The following ZNF274 variants were observed in gnomAD, a reference collection of about 807,000 sequenced individuals.
ZNF274 encodes the protein zinc finger protein 274.
ZNF274 carries 23 observed loss-of-function variants against 42.5 expected under a neutral mutation model. That is an observed-to-expected ratio of 0.54 (90% CI 0.39 to 0.77). The LOEUF (loss-of-function observed/expected upper bound fraction) is 0.77. Ranked by LOEUF, ZNF274 falls within the 30% of genes least tolerant of loss-of-function variation. The pLI, the probability that ZNF274 is intolerant of heterozygous loss-of-function variation, is 0.00. For synonymous variants in ZNF274, 292 were observed against 305.4 expected, an observed-to-expected ratio of 0.96 and a Z score of 0.46; for missense variants, 679 against 806.5, an observed-to-expected ratio of 0.84 and a Z score of 1.91.
Position 58,211,466 on chromosome 19 carries a change from G to A in ZNF274, c.853-94G>A. ...AGCAGGAGAGTCCCTAGCACCGTGA[G>A]CTCTGTCAGAACCTCCCAGCTGGCC... On this transcript the variant is annotated intron_variant, in intron 6 of 7. Coordinates refer to ENST00000617501, the MANE Select transcript of ZNF274 (RefSeq NM_133502.3). The surrounding 1 kb of genome is among the most constrained non-coding windows in gnomAD (Gnocchi z 4.8). The A allele has an allele frequency of 6.7e-7, 1 of 1,483,432 alleles. No individual in the cohort carries two copies. Among genetic ancestry groups the A allele is most frequent in the South Asian group, 1.3e-5 (1 of 74,860 alleles). 91.9% of individuals were successfully genotyped at this position (1,483,432 alleles called of 1,614,324 possible).
intron 4 of ZNF274, among the ~76,000 whole-genome samples, chr19:58,203,749 GC>G (rs1289298864): frequency 5.9e-5 from 9 of 152,176 alleles, no homozygotes; most frequent in Admixed American, 3.9e-4. Context: ...GAGAGGCCAA[GC>G]CCCCAAAATG....
intron 4 of ZNF274, among the ~76,000 whole-genome samples, chr19:58,201,521 T>C (rs970855256): frequency 1.3e-5 from 2 of 151,448 alleles, no homozygotes; most frequent in African/African-American, 2.4e-5. Flanking sequence ...TTTCTTTTTT[T>C]TTTTTTTCTT....
intron 4 of ZNF274, among the ~76,000 whole-genome samples, chr19:58,195,241 G>GTA (rs59678010): frequency 0.19 from 28,002 of 149,948 alleles, 2,755 homozygotes; most frequent in Non-Finnish European, 0.21. Flanking sequence ...ATATGTGTGT[G>GTA]TATATATATA....
Position 58,185,810 on chromosome 19 carries a change from G to T in ZNF274, c.132G>T (p.Leu44=). ...KQKSLYREVM[L]ENYRNLVSVE... is the part of the protein sequence containing the mutation. ...AGTCCCTGTACAGGGAAGTGATGCT[G>T]GAGAACTACAGGAACCTGGTCTCAG... is the stretch of plus-strand genomic sequence containing the variant. Residue 44 remains leucine, a synonymous_variant, in exon 3 of 8, where the codon CTG becomes CTT. Coordinates refer to ENST00000617501, the MANE Select transcript of ZNF274 (RefSeq NM_133502.3). The T allele has an allele frequency of 7.1e-7, 1 of 1,418,336 alleles. No individual in the cohort carries two copies. The highest frequency in any genetic ancestry group is 1.5e-5 in the African/African-American group (1 of 68,134). 87.9% of individuals were successfully genotyped at this position (1,418,336 alleles called of 1,614,324 possible).
In ZNF274 at chr19:58,212,672, T is replaced by G. The variant is rs2076057100; in HGVS notation, c.1491T>G (p.Phe497Leu). Residue 497 changes from phenylalanine (F) to leucine (L), a missense_variant, in exon 8 of 8, where the codon TTT becomes TTG. By Grantham distance (22) the Phe-to-Leu change is conservative. Around this residue, in one of 2 missense-constraint regions of ZNF274, gnomAD observed 456 missense variants for 590.1 expected, o/e 0.77. Coordinates refer to ENST00000617501, the MANE Select transcript of ZNF274 (RefSeq NM_133502.3). The surrounding 1 kb of genome is among the most constrained non-coding windows in gnomAD (Gnocchi z 4.6). ...TFSRSTKQIT[F>L]IRIHKGSQVC... ...GTCGGAGTACTAAACAGATTACGTT[T>G]ATAAGAATTCACAAGGGGAGCCAAG... 1 of 1,614,028 alleles carries G rather than the reference T, an allele frequency of 6.2e-7. No individual in the cohort carries two copies. The highest frequency in any genetic ancestry group is 8.5e-7 in the Non-Finnish European group (1 of 1,179,896).
chr19:58,190,348 A>C (rs2075765736), intron 4 of ZNF274, among the ~76,000 whole-genome samples: 1 of 151,972 alleles, frequency 6.6e-6, no homozygotes, highest in Non-Finnish European at 1.5e-5. Flanking sequence ...GTGTTACATC[A>C]TGTAGTTGTA....
chr19:58,200,996 G>GTTGT (rs202208587), intron 4 of ZNF274, among the ~76,000 whole-genome samples: 12 of 150,592 alleles, frequency 8.0e-5, no homozygotes, highest in East Asian at 3.9e-4. Flanking sequence ...GCCGCATACT[G>GTTGT]TTGTTTGTTT....
chr19:58,194,054 G>T (rs931872496), intron 4 of ZNF274, among the ~76,000 whole-genome samples: 1 of 152,300 alleles, frequency 6.6e-6, no homozygotes, highest in East Asian at 1.9e-4. Flanking sequence ...CTTGAGGCCA[G>T]ATGTTTGAGA....
At chr19:58,199,482 AG>A in intron 4 of ZNF274, among the ~76,000 whole-genome samples, 1 of 152,292 alleles carries the variant, frequency 6.6e-6, no homozygotes, top group South Asian at 2.1e-4. Flanking sequence ...ATACTTTGGG[AG>A]GCCAAGGTGA....
intron 4 of ZNF274, among the ~76,000 whole-genome samples, chr19:58,204,886 T>C (rs2075964010): frequency 6.6e-6 from 1 of 152,124 alleles, no homozygotes; most frequent in Non-Finnish European, 1.5e-5. Flanking sequence ...GTCCCTTGTG[T>C]TCTGTAGAGA....
At chr19:58,198,358 CAT>C (rs1177981574) in intron 4 of ZNF274, among the ~76,000 whole-genome samples, 5 of 152,142 alleles carry the variant, frequency 3.3e-5, no homozygotes, top group Non-Finnish European at 5.9e-5. Flanking sequence ...TTTGAAACCA[CAT>C]GTGTGTACTT....
intron 4 of ZNF274, among the ~76,000 whole-genome samples, chr19:58,188,996 G>C (rs1600134274): frequency 6.6e-6 from 1 of 151,926 alleles, no homozygotes; most frequent in African/African-American, 2.4e-5. Flanking sequence ...AAGGTTTGCA[G>C]ATCTGATGGG....
rs1465575243 is a variant in ZNF274, at chr19:58,206,969, A to G, written c.506A>G (p.Tyr169Cys). ...CGCCAGAGGTTCCGGCAGTTCCGTT[A>G]TAAGGACATGACAGGTCCCCGGGAG... ...AARQRFRQFR[Y>C]KDMTGPREAL... is the part of the protein sequence containing the mutation. Residue 169 changes from tyrosine (Y) to cysteine (C), a missense_variant, in exon 5 of 8, where the codon TAT becomes TGT. Tyr to Cys is a radical substitution (Grantham distance 194). Coordinates refer to ENST00000617501, the MANE Select transcript of ZNF274 (RefSeq NM_133502.3). 2.5e-6 allele frequency: 4 copies of G among 1,610,258 alleles called. No homozygotes were observed. Among genetic ancestry groups the G allele is most frequent in the Non-Finnish European group, 1.7e-6 (2 of 1,178,294 alleles).
intron 4 of ZNF274, among the ~76,000 whole-genome samples, chr19:58,188,658 A>G (rs1459965359): frequency 1.3e-4 from 13 of 102,910 alleles, no homozygotes; most frequent in Non-Finnish European, 2.0e-4. Flanking sequence ...TAAAAAATAG[A>G]TGTGTGTGTG....
In ZNF274 at chr19:58,212,353, A is replaced by G; in HGVS notation, c.1172A>G (p.Glu391Gly). 6.2e-7 allele frequency: 1 copy of G among 1,613,948 alleles called. No individual in the cohort carries two copies. Among genetic ancestry groups the G allele is most frequent in the Non-Finnish European group, 8.5e-7 (1 of 1,179,884 alleles). The change falls in exon 8 of 8, where the codon GAA becomes GGA. Residue 391 changes from glutamate to glycine, a missense_variant. Coordinates refer to ENST00000617501, the MANE Select transcript of ZNF274 (RefSeq NM_133502.3). This position sits in a 1 kb window ranked among gnomAD's most constrained non-coding sequence, Gnocchi z 4.6. Reference sequence around the variant, plus strand: ...TTGAAGCAGATGGAGTCTGCTCAGGAAAAAGACCTTCCTCAGAAGAAGCAC... The same window carrying G: ...TTGAAGCAGATGGAGTCTGCTCAGGGAAAAGACCTTCCTCAGAAGAAGCAC... ...TVLKQMESAQ[E>G]KDLPQKKHFD...
At position 58,210,060 on chromosome 19, in the gene ZNF274, C is replaced by T. The variant is rs1232476347; in HGVS notation, c.839C>T (p.Thr280Ile). 12 of 1,613,512 alleles carry T rather than the reference C, an allele frequency of 7.4e-6. No homozygotes were observed. Among genetic ancestry groups the T allele is most frequent in the Non-Finnish European group, 8.5e-6 (10 of 1,179,604 alleles). Residue 280 changes from threonine to isoleucine, a missense_variant, in exon 6 of 8, where the codon ACA becomes ATA. By Grantham distance (89) the Thr-to-Ile change is moderately conservative. Coordinates refer to ENST00000617501, the MANE Select transcript of ZNF274 (RefSeq NM_133502.3). ...GAGGATGCAGCCATCTGCCCAGTGA[C>T]AGTGCTCCCTGAGGTAAGCGGGGAG... ...KQEDAAICPV[T>I]VLPEEPVTFQ...
chr19:58,213,405 G>A lies in ZNF274; in HGVS notation c.*262G>A. 1 of 399,042 alleles carries A rather than the reference G, an allele frequency of 2.5e-6. No individual in the cohort carries two copies. The highest frequency in any genetic ancestry group is 4.4e-6 in the Non-Finnish European group (1 of 226,740). The allele number at this position is 399,042 out of a possible 1,614,324, so 24.7% of individuals were successfully genotyped here. ...TCACTCATTTAGTCATTAAAAGTGAGATTAATAAAATCTGAAAATGTTATA... is the reference window on the plus strand; with the variant it reads ...TCACTCATTTAGTCATTAAAAGTGAAATTAATAAAATCTGAAAATGTTATA... On this transcript the variant is annotated 3_prime_UTR_variant, in exon 8 of 8. Coordinates refer to ENST00000617501, the MANE Select transcript of ZNF274 (RefSeq NM_133502.3).
chr19:58,195,004 AAAT>A (rs950825952), intron 4 of ZNF274, among the ~76,000 whole-genome samples: 7 of 149,706 alleles, frequency 4.7e-5, no homozygotes, highest in Admixed American at 1.3e-4. Flanking sequence ...CCATGTCAAA[AAAT>A]AATAATAATA....
chr19:58,185,779 A>G lies in ZNF274; in HGVS notation c.101A>G (p.Lys34Arg), dbSNP rs369941750. Residue 34 changes from lysine (K) to arginine (R), a missense_variant, in exon 3 of 8, where the codon AAA becomes AGA. By Grantham distance (26) the Lys-to-Arg change is conservative. Coordinates refer to ENST00000617501, the MANE Select transcript of ZNF274 (RefSeq NM_133502.3). ...TPEEWGLLDL[K>R]QKSLYREVML... ...GAAGAGTGGGGACTGCTGGACCTCA[A>G]ACAGAAGTCCCTGTACAGGGAAGTG... 9 of 1,459,724 alleles carry G rather than the reference A, an allele frequency of 6.2e-6. No homozygotes were observed. The highest frequency in any genetic ancestry group is 8.2e-6 in the Non-Finnish European group (9 of 1,097,866). 90.4% of individuals were successfully genotyped at this position (1,459,724 alleles called of 1,614,324 possible).
Sources: gnomAD v4.1 joint callset for allele counts (sites outside exome capture counted in the v4.1 genomes callset) on GRCh38, gnomAD v4.1.1 for gene constraint, gnomAD v4.1.1 regional missense constraint, Gnocchi (gnomAD v3.1) non-coding constraint, MANE v1.5 for transcripts, NCBI Gene and HGNC (gene_info 2026-07-23, HGNC 2026-07-21) for gene names.